LINGO2: variants seen among roughly 807,000 people sequenced by gnomAD.
LINGO2 encodes the protein leucine rich repeat and Ig domain containing 2, also known as leucine-rich repeat and immunoglobulin-like domain-containing nogo receptor-interacting protein 2.
Under a neutral mutation model 30.6 loss-of-function variants are expected in LINGO2, and 14 were observed. That is an observed-to-expected ratio of 0.46 (90% CI 0.30 to 0.72). The LOEUF is 0.72. LINGO2 is among the 30% of genes least tolerant of loss of function. The pLI, the probability that LINGO2 is intolerant of heterozygous loss-of-function variation, is 0.07. For missense variants in LINGO2, 729 were observed against 751.7 expected, an observed-to-expected ratio of 0.97 and a Z score of 0.35; for synonymous variants, 317 against 288.5, an observed-to-expected ratio of 1.10 and a Z score of -1.00.
At chr9:28,059,949 A>C (rs1021961268) in intron 4 of LINGO2, among the ~76,000 whole-genome samples, 1 of 152,038 alleles carries the variant, frequency 6.6e-6, no homozygotes, top group African/African-American at 2.4e-5. Context: ...GGTTCAAATC[A>C]TAGCTCTGCT....
intron 1 of LINGO2, among the ~76,000 whole-genome samples, chr9:28,487,189 C>T (rs973569020): frequency 2.0e-5 from 3 of 152,098 alleles, no homozygotes; most frequent in African/African-American, 7.2e-5. Flanking sequence ...TTCTTTTCAT[C>T]CTCTGTACCT....
At chr9:28,232,931 T>C (rs1167677200) in intron 4 of LINGO2, among the ~76,000 whole-genome samples, 5 of 150,606 alleles carry the variant, frequency 3.3e-5, no homozygotes, top group African/African-American at 9.8e-5. Context: ...GGAAATACCC[T>C]GGTATCATCC....
At chr9:28,442,283 A>G (rs1420237843) in intron 2 of LINGO2, among the ~76,000 whole-genome samples, 4 of 152,092 alleles carry the variant, frequency 2.6e-5, no homozygotes. Flanking sequence ...ATGAATGACC[A>G]ACCGAAATCC....
the LINGO2 span, among the ~76,000 whole-genome samples, chr9:29,028,255 C>T: frequency 2.6e-4 from 40 of 151,980 alleles, no homozygotes; most frequent in South Asian, 8.3e-3. Flanking sequence ...AAAAGCAGAT[C>T]AATATTAGAG....
chr9:28,658,356 T>C (rs79273925), intron 1 of LINGO2, among the ~76,000 whole-genome samples: 3,894 of 152,140 alleles, frequency 0.026, 82 homozygotes, highest in Non-Finnish European at 0.041. Flanking sequence ...CCTACTATTA[T>C]TGTGGAGCTT....
chr9:28,754,244 T>G, the LINGO2 span, among the ~76,000 whole-genome samples: 1 of 152,096 alleles, frequency 6.6e-6, no homozygotes, highest in Non-Finnish European at 1.5e-5. Flanking sequence ...GGGATATTAT[T>G]GACATTTTAC....
chr9:28,739,720 T>G, the LINGO2 span, among the ~76,000 whole-genome samples: 2 of 151,494 alleles, frequency 1.3e-5, no homozygotes, highest in Admixed American at 1.3e-4. Flanking sequence ...AATATAAGAG[T>G]TTTTTTCTGA....
intron 4 of LINGO2, among the ~76,000 whole-genome samples, chr9:28,141,504 G>A (rs1481496298): frequency 1.3e-5 from 2 of 152,140 alleles, no homozygotes; most frequent in African/African-American, 4.8e-5. Context: ...AATAATTTAA[G>A]GGATTCAAGA....
chr9:28,346,973 T>C (rs1819603589), intron 3 of LINGO2, among the ~76,000 whole-genome samples: 1 of 152,176 alleles, frequency 6.6e-6, no homozygotes, highest in Non-Finnish European at 1.5e-5. Flanking sequence ...TCCCATTCTG[T>C]AGGTTGTCTG....
chr9:28,548,144 A>G (rs1822048770), intron 1 of LINGO2, among the ~76,000 whole-genome samples: 1 of 152,106 alleles, frequency 6.6e-6, no homozygotes, highest in Non-Finnish European at 1.5e-5. Flanking sequence ...TAAGCCTGCC[A>G]GAGTTTCAAG....
intron 5 of LINGO2, among the ~76,000 whole-genome samples, chr9:27,993,177 T>A (rs762231927): frequency 6.6e-5 from 10 of 152,086 alleles, no homozygotes; most frequent in African/African-American, 9.7e-5. Context: ...GAATTTAGAG[T>A]TCTTTTATGT....
Position 28,148,205 on chromosome 9 carries a change from G to T in LINGO2, c.-86-135800C>A, listed in dbSNP as rs1294005345. ...TTCTTTTCCAGTCAGTTGGGACGGC[G>T]CCCCTATGAGGCTGTGTCTTATCCC... On this transcript the variant is annotated intron_variant, in intron 4 of 5. Transcript: ENST00000379992. The surrounding 1 kb of genome is among the most constrained non-coding windows in gnomAD (Gnocchi z 5.1). 1.5e-5 allele frequency: 11 copies of T among 725,460 alleles called. No homozygotes were observed. Among genetic ancestry groups the T allele is most frequent in the Non-Finnish European group, 2.3e-5 (11 of 472,596 alleles). The allele number at this position is 725,460 out of a possible 1,614,324, so 44.9% of individuals were successfully genotyped here. A position where few individuals can be genotyped will look rare whatever the true frequency, so the allele number is the denominator to read the frequency against.
the LINGO2 span, among the ~76,000 whole-genome samples, chr9:28,825,722 A>G: frequency 6.6e-6 from 1 of 152,120 alleles, no homozygotes; most frequent in African/African-American, 2.4e-5. Flanking sequence ...TACTTTACTT[A>G]TAGCCTGCTT....
At chr9:28,988,659 C>A in the LINGO2 span, among the ~76,000 whole-genome samples, 78 of 152,242 alleles carry the variant, frequency 5.1e-4, no homozygotes, top group African/African-American at 1.8e-3. Context: ...GGGGTAAGAC[C>A]AACACGGGCT....
chr9:28,639,070 A>G (rs1827434992), intron 1 of LINGO2, among the ~76,000 whole-genome samples: 2 of 152,016 alleles, frequency 1.3e-5, no homozygotes, highest in South Asian at 4.2e-4. Context: ...CCTTCATTTC[A>G]TTATGTACCC....
At chr9:28,241,378 A>C (rs2133974399) in intron 4 of LINGO2, among the ~76,000 whole-genome samples, 1 of 152,094 alleles carries the variant, frequency 6.6e-6, no homozygotes, top group Admixed American at 6.5e-5. Context: ...AACCATCAAA[A>C]AGATCCAAAC....
rs112897102 is a variant in LINGO2 at position 28,326,070 on chromosome 9, G to A, written c.-245-30704C>T. On this transcript the variant is annotated intron_variant, in intron 3 of 5. Coordinates refer to ENST00000379992, the Ensembl canonical transcript of LINGO2. The stretch of plus-strand genomic sequence containing the variant: ...CGCTTAGGCTGGAGTGCAGTGGCGT[G>A]ATCTTGGCTCACTGCAACCTCCGCC... 3.3e-3 allele frequency among the ~76,000 whole-genome samples: 508 copies of A among 152,250 alleles called. 5 individuals are homozygous for A. Among genetic ancestry groups the A allele is most frequent in the African/African-American group, 0.011 (475 of 41,548 alleles).
At chr9:28,046,505 C>A (rs1243458358) in intron 4 of LINGO2, among the ~76,000 whole-genome samples, 1 of 152,170 alleles carries the variant, frequency 6.6e-6, no homozygotes, top group Non-Finnish European at 1.5e-5. Flanking sequence ...ACTTCCTTTG[C>A]AGTTTAGGAA....
At chr9:28,700,396 T>A in the LINGO2 span, among the ~76,000 whole-genome samples, 1 of 152,094 alleles carries the variant, frequency 6.6e-6, no homozygotes, top group African/African-American at 2.4e-5. Flanking sequence ...TCACACATAA[T>A]GTATTATTTC....
Sources: gnomAD v4.1 joint callset for allele counts (sites outside exome capture counted in the v4.1 genomes callset) on GRCh38, gnomAD v4.1.1 for gene constraint, Gnocchi (gnomAD v3.1) non-coding constraint, MANE v1.5 for transcripts, NCBI Gene and HGNC (gene_info 2026-07-23, HGNC 2026-07-21) for gene names.